The following KAZN variants were observed in gnomAD, a reference collection of about 807,000 sequenced individuals.
KAZN encodes the protein kazrin, periplakin interacting protein, also known as kazrin.
A neutral mutation model predicts 87.4 loss-of-function variants in KAZN; 40 were observed. The ratio of observed to expected loss-of-function variants is 0.46; its 90% CI spans 0.36 to 0.60. The LOEUF (loss-of-function observed/expected upper bound fraction) is 0.60, where lower values mean the gene tolerates loss of function less well. Ranked by LOEUF, KAZN falls within the 20% of genes least tolerant of loss-of-function variation. The pLI is 0.00. For missense variants in KAZN, 898 were observed against 1,073.9 expected (o/e 0.84, Z 2.29); for synonymous variants, 466 against 458.3 (o/e 1.02, Z -0.22).
intron 1 of KAZN, among the ~76,000 whole-genome samples, chr1:14,022,455 C>T (rs557837554): frequency 3.8e-4 from 42 of 111,048 alleles, no homozygotes; most frequent in African/African-American, 6.6e-4. Flanking sequence ...GAAAAGACCA[C>T]GGTGCATTAT....
chr1:13,917,977 A>G (rs1225610375), intron 1 of KAZN, among the ~76,000 whole-genome samples: 1 of 152,210 alleles, frequency 6.6e-6, no homozygotes, highest in Non-Finnish European at 1.5e-5. Flanking sequence ...ATTACTGCTC[A>G]TAGACAATGC....
chr1:14,802,008 C>T (rs926150360), intron 1 of KAZN, among the ~76,000 whole-genome samples: 1 of 152,202 alleles, frequency 6.6e-6, no homozygotes, highest in Middle Eastern at 3.4e-3. Context: ...TTTCTCTGCG[C>T]TGAAGAGAGC....
intron 1 of KAZN, among the ~76,000 whole-genome samples, chr1:14,876,378 G>A (rs1652772247): frequency 6.6e-6 from 1 of 152,220 alleles, no homozygotes; most frequent in African/African-American, 2.4e-5. Flanking sequence ...GCCAGGAAAG[G>A]AACTCTAGGC....
intron 1 of KAZN, among the ~76,000 whole-genome samples, chr1:14,164,424 G>A (rs1645775064): frequency 6.7e-6 from 1 of 149,636 alleles, no homozygotes; most frequent in African/African-American, 2.5e-5. Context: ...CCCTCAGAGT[G>A]AGCATTTCAA....
At chr1:14,333,388 A>C (rs1656988910) in intron 2 of KAZN, among the ~76,000 whole-genome samples, 1 of 152,162 alleles carries the variant, frequency 6.6e-6, no homozygotes, top group African/African-American at 2.4e-5. Flanking sequence ...TTATATTCAA[A>C]AGGAAGTTTA....
intron 1 of KAZN, among the ~76,000 whole-genome samples, chr1:14,904,191 T>C (rs1435539107): frequency 6.6e-6 from 1 of 151,978 alleles, no homozygotes; most frequent in African/African-American, 2.4e-5. Context: ...TGCCTCAATT[T>C]TCCTTATTCA....
intron 4 of KAZN, among the ~76,000 whole-genome samples, chr1:15,044,704 G>A (rs2100348839): frequency 6.6e-6 from 1 of 150,872 alleles, no homozygotes; most frequent in South Asian, 2.1e-4. Flanking sequence ...ACCCCAGCCT[G>A]GGCGACAGTG....
At chr1:14,898,956 C>A (rs949157838) in intron 1 of KAZN, among the ~76,000 whole-genome samples, 4 of 152,150 alleles carry the variant, frequency 2.6e-5, no homozygotes, top group Non-Finnish European at 5.9e-5. Context: ...GCACAAAAAG[C>A]CTGTGAATGA....
chr1:14,959,906 C>G (rs1557662336), intron 1 of KAZN, among the ~76,000 whole-genome samples: 1 of 152,166 alleles, frequency 6.6e-6, no homozygotes, highest in Non-Finnish European at 1.5e-5. Context: ...TGAGGCACCC[C>G]ACAGCCTGAG....
chr1:14,204,771 G>A (rs1008609087), intron 2 of KAZN, among the ~76,000 whole-genome samples: 4 of 152,298 alleles, frequency 2.6e-5, no homozygotes, highest in African/African-American at 9.6e-5. Flanking sequence ...CAAAGTTATG[G>A]CATATTTCAG....
chr1:14,987,540 G>A (rs1666947228), intron 2 of KAZN, among the ~76,000 whole-genome samples: 1 of 152,052 alleles, frequency 6.6e-6, no homozygotes. Flanking sequence ...TTTTATCCAA[G>A]ACTGAAGGGA....
At chr1:13,981,844 T>C (rs1006134973) in intron 1 of KAZN, among the ~76,000 whole-genome samples, 1 of 152,118 alleles carries the variant, frequency 6.6e-6, no homozygotes. Flanking sequence ...TGCTGTGATA[T>C]GTTGTGGTTG....
intron 2 of KAZN, among the ~76,000 whole-genome samples, chr1:14,484,634 G>A (rs1373856925): frequency 3.9e-5 from 6 of 152,210 alleles, no homozygotes. Flanking sequence ...TTTTTGTTCA[G>A]GGTCTGCAGG....
chr1:14,131,293 G>A (rs142867816), intron 1 of KAZN, among the ~76,000 whole-genome samples: 220 of 152,302 alleles, frequency 1.4e-3, no homozygotes, highest in Middle Eastern at 6.8e-3. Context: ...GTGGGGACAC[G>A]TAGCCAAACC....
At chr1:13,935,415 G>A (rs1640691655) in intron 1 of KAZN, among the ~76,000 whole-genome samples, 1 of 152,148 alleles carries the variant, frequency 6.6e-6, no homozygotes, top group South Asian at 2.1e-4. Flanking sequence ...GGCAGAAACG[G>A]GGATTCAAAC....
At chr1:15,057,189 GGCCC>G (rs1638363092) in intron 5 of KAZN, among the ~76,000 whole-genome samples, 4 of 152,264 alleles carry the variant, frequency 2.6e-5, no homozygotes, top group Admixed American at 6.5e-5. Context: ...AAGGGGCATA[GGCCC>G]TGGATTCAGA....
chr1:15,076,739 G>A (rs1639776101), intron 8 of KAZN, among the ~76,000 whole-genome samples: 1 of 152,208 alleles, frequency 6.6e-6, no homozygotes, highest in Non-Finnish European at 1.5e-5. Flanking sequence ...ATGAGCTCAT[G>A]CTTACTAGTT....
At chr1:14,016,731 G>T (rs1398395813) in intron 1 of KAZN, among the ~76,000 whole-genome samples, 1 of 152,010 alleles carries the variant, frequency 6.6e-6, no homozygotes, top group Non-Finnish European at 1.5e-5. Flanking sequence ...TTTCCCATTA[G>T]CTTCTCAAGA....
rs558669909 is a variant in KAZN, at chr1:14,615,528, A to C, written c.226+16305A>C. 7.9e-5 allele frequency among the ~76,000 whole-genome samples: 12 copies of C among 152,264 alleles called. No individual in the cohort carries two copies. In the South Asian group the frequency reaches 2.3e-3, roughly 29 times the overall value. ...GTAATTCCAGCTACTTGGGAGGCTG[A>C]AGCACAAGAATTGCTTGAACCCGGG... is the stretch of plus-strand genomic sequence containing the variant. On this transcript the variant is annotated intron_variant, in intron 1 of 14. Transcript: ENST00000376030.
Sources: gnomAD v4.1 joint callset for allele counts (sites outside exome capture counted in the v4.1 genomes callset) on GRCh38, gnomAD v4.1.1 for gene constraint, MANE v1.5 for transcripts, NCBI Gene and HGNC (gene_info 2026-07-23, HGNC 2026-07-21) for gene names.